NT5C1B: variants seen among roughly 807,000 people sequenced by gnomAD.
NT5C1B encodes cytosolic 5'-nucleotidase 1B.
A neutral mutation model predicts 57.8 loss-of-function variants in NT5C1B; 44 were observed. The ratio of observed to expected loss-of-function variants is 0.76; its 90% CI spans 0.60 to 0.98. The LOEUF (loss-of-function observed/expected upper bound fraction) is 0.98, where lower values mean the gene tolerates loss of function less well. Among genes scored for constraint, NT5C1B ranks in the 50% least tolerant of loss-of-function variants. The probability of loss-of-function intolerance (pLI) is 0.00; values close to 1 mark genes in which losing one functional copy is unlikely to be tolerated. For missense variants in NT5C1B, 742 were observed against 719.5 expected (o/e 1.03, Z -0.36); for synonymous variants, 284 against 282.6 (o/e 1.00, Z -0.05).
At chr2:18,565,747 C>T (rs1664585929) in intron 8 of NT5C1B, among the ~76,000 whole-genome samples, 1 of 151,958 alleles carries the variant, frequency 6.6e-6, no homozygotes, top group Non-Finnish European at 1.5e-5. Context: ...ATATAAACAT[C>T]TTTGATAATT....
rs754014312 is a variant in NT5C1B, at chr2:18,584,122, A to T, written c.857T>A (p.Ile286Asn). ...GCGGAACGCCGGGCCCGGGGTCAGG[A>T]TGACGTTCTCATTGGTGAGCTGATA... is the stretch of plus-strand genomic sequence containing the variant. The change falls in exon 5 of 9, where the codon ATC (isoleucine) becomes AAC (asparagine). Residue 286 changes from isoleucine to asparagine, a missense_variant. Physicochemically the swap from Ile to Asn is moderately radical, Grantham distance 149. Transcript: ENST00000304081. This position sits in a 1 kb window ranked among gnomAD's most constrained non-coding sequence, Gnocchi z 5.8. The T allele has an allele frequency of 1.7e-5, 27 of 1,614,030 alleles. No individual in the cohort carries two copies. Among genetic ancestry groups the T allele is most frequent in the Non-Finnish European group, 2.2e-5 (26 of 1,180,040 alleles).
At chr2:18,572,047 T>C (rs1203005137) in intron 8 of NT5C1B, among the ~76,000 whole-genome samples, 3 of 142,716 alleles carry the variant, frequency 2.1e-5, no homozygotes, top group African/African-American at 7.9e-5. Context: ...GATCATGCCA[T>C]TGCATTCCAG....
chr2:18,578,450 A>G (rs1665897933), intron 6 of NT5C1B, among the ~76,000 whole-genome samples: 1 of 152,198 alleles, frequency 6.6e-6, no homozygotes, highest in Non-Finnish European at 1.5e-5. Flanking sequence ...CCTAGGATGC[A>G]TAGTTGGTTC....
At chr2:18,581,641 G>A (rs1450840442) in intron 6 of NT5C1B, among the ~76,000 whole-genome samples, 5 of 152,084 alleles carry the variant, frequency 3.3e-5, no homozygotes, top group East Asian at 3.9e-4. Flanking sequence ...GCACAAAAGT[G>A]TATTCTACAA....
At chr2:18,569,572 G>GC (rs1033416416) in intron 8 of NT5C1B, among the ~76,000 whole-genome samples, 6 of 151,586 alleles carry the variant, frequency 4.0e-5, no homozygotes, top group Middle Eastern at 3.2e-3. Flanking sequence ...ACAAACATTA[G>GC]CCCCCCCAAA....
At chr2:18,573,447 C>A (rs201742780) in intron 8 of NT5C1B, among the ~76,000 whole-genome samples, 1 of 104,988 alleles carries the variant, frequency 9.5e-6, no homozygotes, top group African/African-American at 8.6e-5. Context: ...AATTCTGATA[C>A]ACACACACAC....
At chr2:18,570,983 C>T (rs180940660) in intron 8 of NT5C1B, among the ~76,000 whole-genome samples, 93 of 152,230 alleles carry the variant, frequency 6.1e-4, no homozygotes, top group African/African-American at 2.2e-3. Context: ...AGTCAAAATT[C>T]AACCTTCATT....
intron 3 of NT5C1B, among the ~76,000 whole-genome samples, chr2:18,585,971 G>A (rs1320745835): frequency 6.6e-6 from 1 of 152,046 alleles, no homozygotes; most frequent in Non-Finnish European, 1.5e-5. Flanking sequence ...TTTGTTGAAT[G>A]AAGGAAGGAA....
intron 8 of NT5C1B, among the ~76,000 whole-genome samples, chr2:18,566,849 A>G (rs911670358): frequency 3.9e-5 from 6 of 152,202 alleles, no homozygotes; most frequent in Non-Finnish European, 8.8e-5. Context: ...TCTTGAGCCC[A>G]TCAAAGAGCT....
At chr2:18,573,326 T>C (rs1348593160) in intron 8 of NT5C1B, among the ~76,000 whole-genome samples, 1 of 152,136 alleles carries the variant, frequency 6.6e-6, no homozygotes, top group Non-Finnish European at 1.5e-5. Flanking sequence ...TTAACGAAAC[T>C]GTTGAGTATG....
Position 18,584,746 on chromosome 2 carries a change from A to C in NT5C1B, c.491T>G (p.Ile164Ser), listed in dbSNP as rs1176620298. The C allele has an allele frequency of 1.2e-6, 2 of 1,613,182 alleles. No individual in the cohort carries two copies. The highest frequency in any genetic ancestry group is 1.7e-5 in the Admixed American group (1 of 59,946). ...CGGCTGCGAGTCCCGGGTCTGGCGG[A>C]TTTCCCGCACGATGCCTTGGGCCCA... The change falls in exon 4 of 9, where the codon ATC (isoleucine) becomes AGC (serine). Residue 164 changes from isoleucine to serine, a missense_variant. Physicochemically the swap from Ile to Ser is moderately radical, Grantham distance 142. Coordinates refer to ENST00000304081, the Ensembl canonical transcript of NT5C1B. The surrounding 1 kb of genome is among the most constrained non-coding windows in gnomAD (Gnocchi z 5.8).
intron 2 of NT5C1B, chr2:18,586,796 T>C: frequency 1.1e-6 from 1 of 898,254 alleles, no homozygotes; most frequent in Non-Finnish European, 1.6e-6. Flanking sequence ...GGGCAACTGG[T>C]GCCCCACTGA....
Position 18,584,436 on chromosome 2 carries a change from G to A in NT5C1B, c.723+78C>T. 1 of 1,550,172 alleles carries A rather than the reference G, an allele frequency of 6.5e-7. No homozygotes were observed. Among genetic ancestry groups the A allele is most frequent in the Non-Finnish European group, 8.7e-7 (1 of 1,149,216 alleles). ...GGAGGAGAAGCGGGAGGACCTCCCT[G>A]CGCAGTGGAGAGGAGGGCGGCTGGA... On this transcript the variant is annotated intron_variant, in intron 4 of 8. Coordinates refer to ENST00000304081, the Ensembl canonical transcript of NT5C1B. This position sits in a 1 kb window ranked among gnomAD's most constrained non-coding sequence, Gnocchi z 5.8.
intron 8 of NT5C1B, among the ~76,000 whole-genome samples, chr2:18,565,945 G>T (rs568818695): frequency 6.6e-6 from 1 of 152,144 alleles, no homozygotes; most frequent in East Asian, 1.9e-4. Flanking sequence ...GTAACAGATG[G>T]GTAATAACTC....
intron 8 of NT5C1B, among the ~76,000 whole-genome samples, chr2:18,566,843 G>A (rs1664687631): frequency 6.6e-6 from 1 of 152,110 alleles, no homozygotes; most frequent in Non-Finnish European, 1.5e-5. Flanking sequence ...AACTTTTCTT[G>A]AGCCCATCAA....
intron 6 of NT5C1B, among the ~76,000 whole-genome samples, chr2:18,577,414 C>A (rs1190594364): frequency 8.4e-6 from 1 of 119,230 alleles, no homozygotes; most frequent in Non-Finnish European, 1.6e-5. Context: ...AAGAGCAAGA[C>A]TCTGTCTCAA....
At chr2:18,585,967 G>C (rs1465233902) in intron 3 of NT5C1B, among the ~76,000 whole-genome samples, 1 of 152,004 alleles carries the variant, frequency 6.6e-6, no homozygotes. Context: ...ACTATTTGTT[G>C]AATGAAGGAA....
exon 8 of NT5C1B, chr2:18,576,273 A>C: frequency 6.2e-7 from 1 of 1,613,864 alleles, no homozygotes; most frequent in African/African-American, 1.3e-5. Context: ...GACTCATCAG[A>C]GAAGAGGACA....
intron 5 of NT5C1B, 136 bp from the exon 6 acceptor site, chr2:18,583,133 G>C (rs1419644748): frequency 8.3e-7 from 1 of 1,207,598 alleles, no homozygotes; most frequent in African/African-American, 1.5e-5. Context: ...CTCCTTTAAG[G>C]AAGATTTATC....
Sources: gnomAD v4.1 joint callset for allele counts (sites outside exome capture counted in the v4.1 genomes callset) on GRCh38, gnomAD v4.1.1 for gene constraint, Gnocchi (gnomAD v3.1) non-coding constraint, MANE v1.5 for transcripts, NCBI Gene and HGNC (gene_info 2026-07-23, HGNC 2026-07-21) for gene names.